Variants in AKAP9 observed in about 807,000 individuals in gnomAD.
The protein encoded by AKAP9 is A-kinase anchoring protein 9.
A neutral mutation model predicts 488.5 loss-of-function variants in AKAP9; 311 were observed. That is an observed-to-expected ratio of 0.64 (90% confidence interval 0.58 to 0.70). The LOEUF (loss-of-function observed/expected upper bound fraction) is 0.70, where lower values mean the gene tolerates loss of function less well. Among genes scored for constraint, AKAP9 ranks in the 30% least tolerant of loss-of-function variants. The pLI is 0.00. For synonymous variants in AKAP9, 1,462 were observed against 1,483.5 expected, an observed-to-expected ratio of 0.99 and a Z score of 0.33; for missense variants, 4,215 against 4,374.5, an observed-to-expected ratio of 0.96 and a Z score of 1.03.
Position 92,086,360 on chromosome 7 carries a change from G to A in AKAP9, c.9157G>A (p.Gly3053Ser). The A allele has an allele frequency of 6.2e-7, 1 of 1,613,938 alleles. No homozygotes were observed. Among genetic ancestry groups the A allele is most frequent in the African/African-American group, 1.3e-5 (1 of 74,992 alleles). Residue 3053 changes from glycine to serine, a missense_variant, in exon 37 of 50, where the codon GGT (glycine) becomes AGT (serine). By Grantham distance (56) the Gly-to-Ser change is moderately conservative. Transcript: ENST00000356239. The stretch of plus-strand genomic sequence containing the variant: ...ATTTCGGACGGAGCTGACAGCTCTA[G>A]GTACTACAGATGCAGTTGGTTTACT... ...AAFRTELTALGTTDAVGLLNC... is the reference protein window; with the variant it reads ...AAFRTELTALSTTDAVGLLNC...
chr7:91,963,610 C>T (rs1436180321), intron 1 of AKAP9, among the ~76,000 whole-genome samples: 7 of 152,030 alleles, frequency 4.6e-5, no homozygotes, highest in African/African-American at 1.4e-4. Context: ...CTCCGCCTCC[C>T]GGATTCACAC....
intron 26 of AKAP9, among the ~76,000 whole-genome samples, chr7:92,067,716 A>T (rs950043713): frequency 1.3e-5 from 2 of 152,236 alleles, no homozygotes; most frequent in African/African-American, 2.4e-5. Flanking sequence ...GAATACCTAA[A>T]GATGGCTTGT....
intron 37 of AKAP9, 90 bp from the exon 38 acceptor site, chr7:92,089,295 G>T: frequency 2.1e-6 from 3 of 1,452,948 alleles, no homozygotes; most frequent in Non-Finnish European, 2.9e-6. Context: ...TAGTATGTGT[G>T]TTCCATTCAT....
At chr7:92,108,305 A>T (rs1818858364) in intron 48 of AKAP9, among the ~76,000 whole-genome samples, 189 bp from the exon 49 acceptor site, 1 of 152,210 alleles carries the variant, frequency 6.6e-6, no homozygotes, top group Non-Finnish European at 1.5e-5. Flanking sequence ...ATGTTGACTT[A>T]GTAGCATCTT....
intron 38 of AKAP9, among the ~76,000 whole-genome samples, chr7:92,091,559 T>A (rs1279337999): frequency 1.4e-5 from 2 of 141,626 alleles, no homozygotes; most frequent in East Asian, 2.0e-4. Context: ...GTACTCCAGC[T>A]TGGACGACAG....
chr7:91,958,913 C>T (rs1035522592), intron 1 of AKAP9, among the ~76,000 whole-genome samples: 2 of 151,668 alleles, frequency 1.3e-5, no homozygotes, highest in Admixed American at 6.6e-5. Context: ...GAGACAGGGT[C>T]TCACTCTGTC....
At position 92,011,620 on chromosome 7, in the gene AKAP9, TAGAC is replaced by T. The variant is rs373177398; in HGVS notation, c.3319-806_3319-803del. 1.3e-3 allele frequency among the ~76,000 whole-genome samples: 194 copies of T among 152,296 alleles called. 3 individuals carry two copies. The South Asian group carries it at 0.015, about 11-fold the overall frequency. On this transcript the variant is annotated intron_variant, in intron 8 of 49. Transcript: ENST00000356239. Reference sequence around the variant, plus strand: ...AGCAAGATTTACTACAAAATCATAATAGACAGTATGGTTTGATGCTAGGATGGAC... The same window carrying T: ...AGCAAGATTTACTACAAAATCATAATAGTATGGTTTGATGCTAGGATGGAC...
At position 92,082,271 on chromosome 7, in the gene AKAP9, A is replaced by G. The variant is rs535313081; in HGVS notation, c.8020-251A>G. 2.0e-5 allele frequency among the ~76,000 whole-genome samples: 3 copies of G among 152,332 alleles called. No homozygotes were observed. In the South Asian group the frequency reaches 6.2e-4, roughly 32 times the overall value. On this transcript the variant is annotated intron_variant, in intron 31 of 49. Coordinates refer to ENST00000356239, the MANE Select transcript of AKAP9 (RefSeq NM_005751.5). ...TGTAACTTTCCATTTTAGGATGTAT[A>G]TGAATAACATTACTTACCTTTTATT... is the stretch of plus-strand genomic sequence containing the variant.
intron 8 of AKAP9, among the ~76,000 whole-genome samples, chr7:92,006,884 CAA>C (rs1173065852): frequency 6.6e-6 from 1 of 152,130 alleles, no homozygotes; most frequent in Non-Finnish European, 1.5e-5. Flanking sequence ...TTATTAGAAT[CAA>C]AAGAGATACC....
chr7:91,959,833 G>A (rs1252145486), intron 1 of AKAP9, among the ~76,000 whole-genome samples: 1 of 152,130 alleles, frequency 6.6e-6, no homozygotes, highest in African/African-American at 2.4e-5. Flanking sequence ...CCTCAGGCCT[G>A]TTTGGCACTG....
intron 7 of AKAP9, among the ~76,000 whole-genome samples, chr7:92,000,631 G>A (rs1027856827): frequency 2.6e-5 from 4 of 152,160 alleles, no homozygotes; most frequent in African/African-American, 9.7e-5. Context: ...TTCTAAGAAG[G>A]CCAAAACTAC....
At chr7:91,960,077 T>G (rs1793541749) in intron 1 of AKAP9, among the ~76,000 whole-genome samples, 1 of 152,222 alleles carries the variant, frequency 6.6e-6, no homozygotes, top group Non-Finnish European at 1.5e-5. Context: ...TAAAAACGTT[T>G]AAAGGCAGCA....
At chr7:92,024,194 C>T (rs1295201002) in intron 14 of AKAP9, among the ~76,000 whole-genome samples, 2 of 151,414 alleles carry the variant, frequency 1.3e-5, no homozygotes, top group South Asian at 2.1e-4. Context: ...GGCAGATTAC[C>T]TGAGGTTAGG....
intron 26 of AKAP9, among the ~76,000 whole-genome samples, chr7:92,068,918 C>T (rs1332001052): frequency 6.6e-6 from 1 of 152,094 alleles, no homozygotes; most frequent in South Asian, 2.1e-4. Context: ...CATCACATGT[C>T]GCTTTTTTTA....
Position 92,102,717 on chromosome 7 carries a change from G to C in AKAP9, c.11221G>C (p.Ala3741Pro). 1.2e-6 allele frequency: 2 copies of C among 1,614,210 alleles called. No homozygotes were observed. Among genetic ancestry groups the C allele is most frequent in the Non-Finnish European group, 1.7e-6 (2 of 1,180,028 alleles). ...TGAAGATGCCACCTTGGCCCTGCTT[G>C]CCCGGATGGGGGGGCAGCCAGCTTT... ...ECEDATLALL[A>P]RMGGQPAFTD... The change falls in exon 46 of 50, where the codon GCC becomes CCC. Residue 3741 changes from alanine (A) to proline (P), a missense_variant. Transcript: ENST00000356239.
At chr7:92,029,552 C>T (rs1011303405) in intron 14 of AKAP9, among the ~76,000 whole-genome samples, 2 of 151,970 alleles carry the variant, frequency 1.3e-5, no homozygotes, top group African/African-American at 2.4e-5. Flanking sequence ...GAGGCTGAGG[C>T]GGGAGGATCA....
intron 14 of AKAP9, among the ~76,000 whole-genome samples, chr7:92,026,668 A>T (rs1803211104): frequency 6.6e-6 from 1 of 152,100 alleles, no homozygotes; most frequent in Admixed American, 6.5e-5. Context: ...GCGTGGCGTG[A>T]TCTCAGCTCG....
intron 49 of AKAP9, chr7:92,108,953 A>T (rs1288897035): frequency 6.7e-6 from 3 of 445,714 alleles, no homozygotes; most frequent in Non-Finnish European, 1.3e-5. Flanking sequence ...ACAGAGCCTA[A>T]CTGGAGAACG....
chr7:92,036,907 C>G, intron 16 of AKAP9, among the ~76,000 whole-genome samples: 1 of 152,230 alleles, frequency 6.6e-6, no homozygotes, highest in South Asian at 2.1e-4. Flanking sequence ...TTACCAAACC[C>G]TGGTTCTTTC....
Sources: gnomAD v4.1 joint callset for allele counts (sites outside exome capture counted in the v4.1 genomes callset) on GRCh38, gnomAD v4.1.1 for gene constraint, MANE v1.5 for transcripts, NCBI Gene and HGNC (gene_info 2026-07-23, HGNC 2026-07-21) for gene names.